Variants in DCX observed in about 807,000 individuals in gnomAD.
The protein encoded by DCX is neuronal migration protein doublecortin.
A neutral mutation model predicts 20.9 loss-of-function variants in DCX; 4 were observed. The ratio of observed to expected loss-of-function variants is 0.19; its 90% CI spans 0.09 to 0.44. The LOEUF (loss-of-function observed/expected upper bound fraction) is 0.44, where lower values mean the gene tolerates loss of function less well. DCX is among the 20% of genes least tolerant of loss of function. The probability of loss-of-function intolerance (pLI) is 0.99; values close to 1 mark genes in which losing one functional copy is unlikely to be tolerated. For synonymous variants in DCX, 103 were observed against 111.4 expected (o/e 0.92, Z 0.47); for missense variants, 133 against 296.9 (o/e 0.45, Z 4.06).
intron 6 of DCX, among the ~76,000 whole-genome samples, chrX:111,307,025 C>A (rs1299392511): frequency 1.8e-5 from 2 of 110,448 alleles, no homozygotes; most frequent in Non-Finnish European, 3.8e-5. Flanking sequence ...GCTGCGACTG[C>A]TAATGGGTAA....
chrX:111,411,172 T>TAAGTTATTTAAC, intron 1 of DCX: 1 of 423,025 alleles, frequency 2.4e-6, no homozygotes. Flanking sequence ...ATTAGAAAAA[T>TAAGTTATTTAAC]AAGTTATTTA....
chrX:111,347,441 C>T (rs1922929034), intron 3 of DCX, among the ~76,000 whole-genome samples: 1 of 111,794 alleles, frequency 8.9e-6, no homozygotes, highest in Non-Finnish European at 1.9e-5. Flanking sequence ...GCATCCATTT[C>T]TTGAAGACAC....
intron 3 of DCX, among the ~76,000 whole-genome samples, chrX:111,352,538 G>A (rs1409088596): frequency 8.9e-6 from 1 of 111,983 alleles, no homozygotes; most frequent in East Asian, 2.8e-4. Flanking sequence ...GCTAACTGTT[G>A]TATGGTTAAT....
At chrX:111,305,259 G>T (rs771407962) in intron 6 of DCX, among the ~76,000 whole-genome samples, 4 of 111,275 alleles carry the variant, frequency 3.6e-5, no homozygotes, top group Non-Finnish European at 5.7e-5. Context: ...TAGTAAATGC[G>T]TAAGTAAACA....
At chrX:111,407,340 C>T (rs760131334) in intron 2 of DCX, among the ~76,000 whole-genome samples, 6 of 111,801 alleles carry the variant, frequency 5.4e-5, no homozygotes, top group South Asian at 3.8e-4. Context: ...TATTTCACAC[C>T]GGGAAGTCTG....
rs185146468 is a variant in DCX, at chrX:111,331,551, C to T, written c.809-510G>A. Among the ~76,000 whole-genome samples, 403 of 111,672 alleles carry T rather than the reference C, an allele frequency of 3.6e-3. 3 individuals carry two copies. Among genetic ancestry groups the T allele is most frequent in the African/African-American group, 0.012 (382 of 30,751 alleles). ...ACTTTATATAAATAAGCACTATGAC[C>T]ACCACCATCTTGCATTTATCAAGTT... On this transcript the variant is annotated intron_variant, in intron 4 of 6. Coordinates refer to ENST00000636035, the MANE Select transcript of DCX (RefSeq NM_001195553.2).
intron 3 of DCX, among the ~76,000 whole-genome samples, chrX:111,350,395 C>T (rs751266613): frequency 6.2e-5 from 7 of 112,154 alleles, no homozygotes; most frequent in South Asian, 7.5e-4. Flanking sequence ...AAAGCCTTTA[C>T]GCATTTTGTG....
chrX:111,305,019 G>A (rs957639567), intron 6 of DCX, among the ~76,000 whole-genome samples: 2 of 111,673 alleles, frequency 1.8e-5, no homozygotes, highest in Non-Finnish European at 3.8e-5. Flanking sequence ...AGAGCCCCTC[G>A]GCAAAGGCTG....
intron 3 of DCX, among the ~76,000 whole-genome samples, chrX:111,358,780 A>G (rs1408589874): frequency 8.9e-6 from 1 of 112,022 alleles, no homozygotes; most frequent in Non-Finnish European, 1.9e-5. Context: ...CAACATAAAA[A>G]GTAATCGTTT....
At chrX:111,309,880 G>T in intron 6 of DCX, among the ~76,000 whole-genome samples, 1 of 111,974 alleles carries the variant, frequency 8.9e-6, no homozygotes, top group East Asian at 2.8e-4. Context: ...AATATGGACT[G>T]CAGAGTATAT....
intron 3 of DCX, among the ~76,000 whole-genome samples, chrX:111,351,569 A>G (rs1020611535): frequency 2.7e-5 from 3 of 112,360 alleles, no homozygotes; most frequent in Non-Finnish European, 5.6e-5. Flanking sequence ...GGAAAATTCT[A>G]AGTGTTCAAT....
intron 3 of DCX, among the ~76,000 whole-genome samples, chrX:111,382,575 G>A (rs1447103307): frequency 8.9e-6 from 1 of 111,939 alleles, no homozygotes; most frequent in Non-Finnish European, 1.9e-5. Flanking sequence ...TTAAGCAACT[G>A]GAAGCTGTTC....
intron 3 of DCX, among the ~76,000 whole-genome samples, chrX:111,373,661 T>A (rs1341543566): frequency 9.0e-6 from 1 of 111,376 alleles, no homozygotes; most frequent in African/African-American, 3.3e-5. Context: ...GCACCATGCA[T>A]AGTCCAAATA....
intron 3 of DCX, among the ~76,000 whole-genome samples, chrX:111,338,395 G>A (rs1921919190): frequency 9.0e-6 from 1 of 111,395 alleles, no homozygotes; most frequent in Non-Finnish European, 1.9e-5. Flanking sequence ...ATCAAGAATG[G>A]CAGGGAAATT....
intron 5 of DCX, among the ~76,000 whole-genome samples, chrX:111,324,207 T>C (rs751991753): frequency 9.0e-6 from 1 of 111,448 alleles, no homozygotes; most frequent in Admixed American, 9.5e-5. Flanking sequence ...GAGCCTCCTT[T>C]GATAAGCCAT....
chrX:111,383,572 C>A (rs1926144940), intron 3 of DCX, among the ~76,000 whole-genome samples: 1 of 111,587 alleles, frequency 9.0e-6, no homozygotes, highest in African/African-American at 3.3e-5. Flanking sequence ...ATTCAGAGCA[C>A]CTTCACAGGT....
At chrX:111,347,777 C>T (rs913029805) in intron 3 of DCX, among the ~76,000 whole-genome samples, 1 of 110,839 alleles carries the variant, frequency 9.0e-6, no homozygotes, top group East Asian at 2.8e-4. Context: ...ATAAACTTTT[C>T]GAATAGATCG....
At chrX:111,343,938 C>T (rs189999572) in intron 3 of DCX, among the ~76,000 whole-genome samples, 178 of 110,779 alleles carry the variant, frequency 1.6e-3, no homozygotes, top group Admixed American at 1.5e-3. Context: ...GTGGAGATCG[C>T]GCCACTGCAC....
intron 3 of DCX, among the ~76,000 whole-genome samples, chrX:111,365,064 G>GTATTAT (rs373062214): frequency 2.8e-5 from 3 of 105,770 alleles, no homozygotes; most frequent in Non-Finnish European, 3.9e-5. Flanking sequence ...GCTAATTTTT[G>GTATTAT]TATTATTATT....
Sources: allele counts gnomAD v4.1 joint callset (sites outside exome capture counted in the v4.1 genomes callset), GRCh38; gene constraint gnomAD v4.1.1; transcripts MANE v1.5; gene names NCBI Gene and HGNC (gene_info 2026-07-23, HGNC 2026-07-21).